PLD5: variants seen among roughly 807,000 people sequenced by gnomAD.
The protein encoded by PLD5 is phospholipase D family member 5.
Under a neutral mutation model 61.1 loss-of-function variants are expected in PLD5, and 36 were observed. That is an observed-to-expected ratio of 0.59 (90% CI 0.45 to 0.78). The LOEUF is 0.78. Among genes scored for constraint, PLD5 ranks in the 30% least tolerant of loss-of-function variants. The pLI, the probability that PLD5 is intolerant of heterozygous loss-of-function variation, is 0.00. For missense variants in PLD5, 515 were observed against 644.4 expected (o/e 0.80, Z 2.17); for synonymous variants, 243 against 242.8 (o/e 1.00, Z -0.01).
chr1:242,264,037 G>A (rs2149101087), intron 4 of PLD5, among the ~76,000 whole-genome samples: 1 of 152,030 alleles, frequency 6.6e-6, no homozygotes, highest in Middle Eastern at 3.4e-3. Context: ...AACCCAAAGA[G>A]ATGCTAGGAA....
chr1:242,253,246 C>T (rs760747524), intron 4 of PLD5, among the ~76,000 whole-genome samples: 9 of 150,614 alleles, frequency 6.0e-5, no homozygotes, highest in Admixed American at 4.0e-4. Context: ...ATCCTCCCAC[C>T]TCAGCCTCCC....
chr1:242,345,114 A>G lies in PLD5; in HGVS notation c.326+2992T>C, dbSNP rs570488578. On this transcript the variant is annotated intron_variant, in intron 2 of 9. Coordinates refer to ENST00000536534, the MANE Select transcript of PLD5 (RefSeq NM_001372062.1). Reference sequence around the variant, plus strand: ...GTGGGAATTCCGGGAGATACAATACAAGTTGAGATTTGAATGGGGCACAGC... The same window carrying G: ...GTGGGAATTCCGGGAGATACAATACGAGTTGAGATTTGAATGGGGCACAGC... 2.8e-4 allele frequency among the ~76,000 whole-genome samples: 43 copies of G among 152,218 alleles called. No individual in the cohort carries two copies. In the South Asian group the frequency reaches 8.5e-3, roughly 30 times the overall value.
At chr1:242,353,953 T>C (rs899816460) in intron 1 of PLD5, among the ~76,000 whole-genome samples, 8 of 152,172 alleles carry the variant, frequency 5.3e-5, no homozygotes, top group African/African-American at 1.9e-4. Flanking sequence ...TCCATGTTGA[T>C]TTCATATCCT....
chr1:242,435,325 G>A (rs1347089394), intron 1 of PLD5, among the ~76,000 whole-genome samples: 2 of 149,278 alleles, frequency 1.3e-5, no homozygotes, highest in Admixed American at 1.3e-4. Flanking sequence ...GTGACACTCT[G>A]CTCTCTCGTT....
rs139470373 is a variant in PLD5, at chr1:242,373,523, C to T, written c.190-25281G>A. Among the ~76,000 whole-genome samples, 1,043 of 152,238 alleles carry T rather than the reference C, an allele frequency of 6.9e-3. 2 individuals carry two copies. The highest frequency in any genetic ancestry group is 0.012 in the Non-Finnish European group (785 of 68,030). ...CACGTATGTTTATTGTGGCGCTATT[C>T]ACAATAGCAGAGACCTGGAACCAAC... On this transcript the variant is annotated intron_variant, in intron 1 of 9. Transcript: ENST00000536534.
In PLD5 at chr1:242,102,480, A is replaced by T. The variant is rs367793544; in HGVS notation, c.1240-1698T>A. 3.4e-3 allele frequency among the ~76,000 whole-genome samples: 515 copies of T among 152,362 alleles called. 6 individuals are homozygous for T. Among genetic ancestry groups the T allele is most frequent in the African/African-American group, 0.012 (500 of 41,580 alleles). ...AAAGGGGTTTATTAATTTGTTAAAA[A>T]AAACTAAAAAATCAGCTGACTGGGA... On this transcript the variant is annotated intron_variant, in intron 8 of 9. Coordinates refer to ENST00000536534, the MANE Select transcript of PLD5 (RefSeq NM_001372062.1).
chr1:242,350,970 C>T (rs10803038), intron 1 of PLD5, among the ~76,000 whole-genome samples: 2 of 151,224 alleles, frequency 1.3e-5, no homozygotes, highest in Admixed American at 1.3e-4. Flanking sequence ...GGCGTGATCA[C>T]CGCTCACCGC....
intron 4 of PLD5, among the ~76,000 whole-genome samples, chr1:242,263,083 G>A (rs1482580855): frequency 6.6e-6 from 1 of 152,104 alleles, no homozygotes; most frequent in Non-Finnish European, 1.5e-5. Flanking sequence ...GAACAGGAAT[G>A]ACCTGCACAC....
chr1:242,406,087 A>C (rs1456933535), intron 1 of PLD5, among the ~76,000 whole-genome samples: 1 of 152,122 alleles, frequency 6.6e-6, no homozygotes, highest in African/African-American at 2.4e-5. Context: ...CAGCCCTACC[A>C]TGAGTTGCAA....
rs1669381687 is a variant in PLD5, at chr1:242,524,422, G to T, written c.-146C>A. ...GGAGGAGCTGGAGGAGCGAGCGGGC[G>T]CGGGGAGCGCGGGGTGCTGAGCGCC... On this transcript the variant is annotated 5_prime_UTR_variant, in exon 1 of 10. Transcript: ENST00000536534. 6 of 736,128 alleles carry T rather than the reference G, an allele frequency of 8.2e-6. No homozygotes were observed. In the South Asian group the frequency reaches 2.9e-4, roughly 36 times the overall value. The allele number at this position is 736,128 out of a possible 1,614,324, so 45.6% of individuals were successfully genotyped here. A position where few individuals can be genotyped will look rare whatever the true frequency, so the allele number is the denominator to read the frequency against.
chr1:242,407,525 T>C (rs1664298265), intron 1 of PLD5, among the ~76,000 whole-genome samples: 1 of 151,314 alleles, frequency 6.6e-6, no homozygotes, highest in African/African-American at 2.4e-5. Context: ...TACACACATA[T>C]ACACAAATAC....
At chr1:242,217,758 T>G (rs1008950273) in intron 5 of PLD5, among the ~76,000 whole-genome samples, 5 of 152,180 alleles carry the variant, frequency 3.3e-5, no homozygotes, top group African/African-American at 4.8e-5. Flanking sequence ...TCACTGCAGA[T>G]GTGATGGAAA....
intron 1 of PLD5, among the ~76,000 whole-genome samples, chr1:242,383,925 TA>T (rs1662448549): frequency 6.6e-6 from 1 of 152,160 alleles, no homozygotes; most frequent in Admixed American, 6.6e-5. Context: ...TTCTGGAAGG[TA>T]AAAATCCAAG....
intron 1 of PLD5, among the ~76,000 whole-genome samples, chr1:242,407,460 G>C (rs1261490245): frequency 6.6e-6 from 1 of 152,000 alleles, no homozygotes; most frequent in African/African-American, 2.4e-5. Context: ...ATGCTCCAGA[G>C]GTAATCATGA....
intron 2 of PLD5, among the ~76,000 whole-genome samples, chr1:242,334,007 A>G (rs889917345): frequency 2.0e-5 from 3 of 152,186 alleles, no homozygotes; most frequent in Non-Finnish European, 4.4e-5. Flanking sequence ...TCTTTTCGAC[A>G]TATACCCAGT....
chr1:242,521,782 G>C (rs77848159), intron 1 of PLD5, among the ~76,000 whole-genome samples: 2,265 of 147,836 alleles, frequency 0.015, 66 homozygotes, highest in African/African-American at 0.054. Flanking sequence ...TATATGTTCA[G>C]AATGTTGTTT....
intron 5 of PLD5, among the ~76,000 whole-genome samples, chr1:242,198,549 T>C (rs1668785190): frequency 6.6e-6 from 1 of 151,882 alleles, no homozygotes; most frequent in Non-Finnish European, 1.5e-5. Context: ...ATATTCTGCT[T>C]TCTAATTAGA....
intron 1 of PLD5, among the ~76,000 whole-genome samples, chr1:242,442,506 C>A (rs543825779): frequency 6.6e-6 from 1 of 152,148 alleles, no homozygotes; most frequent in South Asian, 2.1e-4. Flanking sequence ...ATAAGCAGAT[C>A]TTGATTAGGA....
intron 2 of PLD5, among the ~76,000 whole-genome samples, chr1:242,306,348 T>C (rs1447377033): frequency 1.3e-5 from 2 of 151,286 alleles, no homozygotes; most frequent in South Asian, 4.2e-4. Flanking sequence ...CTTGATCTTC[T>C]TAGGATGGGT....
Sources: gnomAD v4.1 joint callset for allele counts (sites outside exome capture counted in the v4.1 genomes callset) on GRCh38, gnomAD v4.1.1 for gene constraint, MANE v1.5 for transcripts, NCBI Gene and HGNC (gene_info 2026-07-23, HGNC 2026-07-21) for gene names.